ZFHX3: variants seen among roughly 807,000 people sequenced by gnomAD.
The protein encoded by ZFHX3 is zinc finger homeobox protein 3.
A neutral mutation model predicts 279.1 loss-of-function variants in ZFHX3; 42 were observed. That is an observed-to-expected ratio of 0.15 (90% CI 0.12 to 0.19). The LOEUF is 0.19. Among genes scored for constraint, ZFHX3 ranks in the 10% least tolerant of loss-of-function variants. The pLI, the probability that ZFHX3 is intolerant of heterozygous loss-of-function variation, is 1.00. For synonymous variants in ZFHX3, 2,293 were observed against 1,957.8 expected, an observed-to-expected ratio of 1.17 and a Z score of -4.52; for missense variants, 4,981 against 4,754.0, an observed-to-expected ratio of 1.05 and a Z score of -1.40.
intron 3 of ZFHX3, among the ~76,000 whole-genome samples, chr16:72,900,172 G>A (rs1486699657): frequency 6.6e-6 from 1 of 151,242 alleles, no homozygotes; most frequent in Non-Finnish European, 1.5e-5. Context: ...GTGTTTACTG[G>A]GTCTGTTTGC....
intron 4 of ZFHX3, among the ~76,000 whole-genome samples, chr16:73,303,314 C>T (rs2143138666): frequency 6.6e-6 from 1 of 152,270 alleles, no homozygotes; most frequent in East Asian, 1.9e-4. Flanking sequence ...AGGTATGAGC[C>T]ATTATGTTGG....
In ZFHX3 at chr16:73,288,186, G is replaced by A. The variant is rs567183074; in HGVS notation, c.-1194+30054C>T. Among the ~76,000 whole-genome samples the A allele has an allele frequency of 8.6e-5, 13 of 151,320 alleles. No individual in the cohort carries two copies. The East Asian group carries it at 1.4e-3, about 16-fold the overall frequency. On this transcript the variant is annotated intron_variant, in intron 4 of 17. Transcript: ENST00000641206. ...TCACCCCATGGAGGGAGGGAGGGAG[G>A]GAGAGAAGGGGGACTTTGGGGGCTG...
intron 5 of ZFHX3, among the ~76,000 whole-genome samples, chr16:73,231,210 T>C (rs1678772278): frequency 6.6e-6 from 1 of 152,158 alleles, no homozygotes; most frequent in Non-Finnish European, 1.5e-5. Flanking sequence ...GGGATATGAC[T>C]TCAGGAATCT....
chr16:73,806,704 T>C (rs1202445486), intron 1 of ZFHX3, among the ~76,000 whole-genome samples: 1 of 152,218 alleles, frequency 6.6e-6, no homozygotes, highest in Non-Finnish European at 1.5e-5. Flanking sequence ...TTGCTTGCCC[T>C]TTTTTAAAAT....
intron 1 of ZFHX3, among the ~76,000 whole-genome samples, chr16:73,045,848 G>A (rs1274598352): frequency 1.4e-5 from 2 of 147,240 alleles, no homozygotes; most frequent in African/African-American, 5.1e-5. Context: ...ATGTCATAAA[G>A]ACAGAAGGTC....
At chr16:73,201,086 T>G (rs976947523) in intron 5 of ZFHX3, among the ~76,000 whole-genome samples, 1 of 152,226 alleles carries the variant, frequency 6.6e-6, no homozygotes, top group South Asian at 2.1e-4. Context: ...GGCTCTAGGT[T>G]GATCCAAGCC....
intron 4 of ZFHX3, among the ~76,000 whole-genome samples, chr16:73,268,482 G>C (rs568213643): frequency 6.6e-6 from 1 of 152,164 alleles, no homozygotes; most frequent in Non-Finnish European, 1.5e-5. Flanking sequence ...AGCCACTGGC[G>C]CTGCGCCCGA....
intron 5 of ZFHX3, among the ~76,000 whole-genome samples, chr16:73,255,202 A>G (rs2013630315): frequency 6.6e-6 from 1 of 152,226 alleles, no homozygotes; most frequent in Admixed American, 6.5e-5. Flanking sequence ...TTTATGAGTC[A>G]TTGTAAAGTG....
intron 3 of ZFHX3, among the ~76,000 whole-genome samples, chr16:73,435,934 G>T (rs1198560980): frequency 6.6e-6 from 1 of 152,202 alleles, no homozygotes; most frequent in African/African-American, 2.4e-5. Context: ...TCACTGAATG[G>T]GTGGTGAGTT....
chr16:73,852,422 G>T (rs1961614576), intron 1 of ZFHX3, among the ~76,000 whole-genome samples: 1 of 152,032 alleles, frequency 6.6e-6, no homozygotes, highest in African/African-American at 2.4e-5. Flanking sequence ...CTTTCATTTT[G>T]TTTTATATTA....
chr16:73,327,193 C>T (rs1277493003), intron 3 of ZFHX3, among the ~76,000 whole-genome samples: 1 of 152,182 alleles, frequency 6.6e-6, no homozygotes, highest in African/African-American at 2.4e-5. Context: ...TTCTTGAGTT[C>T]TGTGTATGCT....
At chr16:73,458,623 C>A (rs1255544446) in intron 2 of ZFHX3, among the ~76,000 whole-genome samples, 3 of 152,072 alleles carry the variant, frequency 2.0e-5, no homozygotes, top group Non-Finnish European at 4.4e-5. Context: ...TTACACCTGA[C>A]TTTTGAACTG....
At chr16:73,165,737 T>G (rs955684978) in intron 5 of ZFHX3, among the ~76,000 whole-genome samples, 1 of 152,138 alleles carries the variant, frequency 6.6e-6, no homozygotes, top group Non-Finnish European at 1.5e-5. Flanking sequence ...CTTGGGCTAC[T>G]CTTACGAGCT....
At chr16:73,818,752 A>C (rs1309244292) in intron 1 of ZFHX3, among the ~76,000 whole-genome samples, 1 of 152,176 alleles carries the variant, frequency 6.6e-6, no homozygotes, top group East Asian at 1.9e-4. Flanking sequence ...CTCAAACTGC[A>C]CTTTGGATGT....
rs755058886 is a variant in ZFHX3 at position 72,958,957 on chromosome 16, G to T, written c.1189C>A (p.Pro397Thr). 6.3e-7 allele frequency: 1 copy of T among 1,598,682 alleles called. No homozygotes were observed. Among genetic ancestry groups the T allele is most frequent in the Non-Finnish European group, 8.5e-7 (1 of 1,172,630 alleles). ...PEQPQAGLLTPSTLLNLGGLT... is the reference protein window; with the variant it reads ...PEQPQAGLLTTSTLLNLGGLT... ...CCGCCAAGGTTCAACAGGGTGCTGG[G>T]GGTCAAGAGACCAGCCTGGGGCTGC... Residue 397 changes from proline (P) to threonine (T), a missense_variant, in exon 2 of 10, where the codon CCC (proline) becomes ACC (threonine). By Grantham distance (38) the Pro-to-Thr change is conservative. Transcript: ENST00000268489.
chr16:72,950,352 C>T, intron 3 of ZFHX3, 117 bp downstream of exon 3: 1 of 1,481,338 alleles, frequency 6.8e-7, no homozygotes, highest in Non-Finnish European at 9.0e-7. Context: ...TCCCAACCAA[C>T]AGCCAAGCAG....
chr16:73,439,940 A>C (rs2018060822), intron 3 of ZFHX3, among the ~76,000 whole-genome samples: 1 of 151,508 alleles, frequency 6.6e-6, no homozygotes. Flanking sequence ...AAACACAAAA[A>C]AAAAAACAAG....
intron 3 of ZFHX3, among the ~76,000 whole-genome samples, chr16:72,924,328 C>G (rs199703600): frequency 6.6e-6 from 1 of 152,156 alleles, no homozygotes; most frequent in African/African-American, 2.4e-5. Context: ...AGGAATAGTT[C>G]AAGAAAACAG....
chr16:73,852,060 T>C (rs761780468), intron 1 of ZFHX3, among the ~76,000 whole-genome samples: 1 of 152,206 alleles, frequency 6.6e-6, no homozygotes, highest in Non-Finnish European at 1.5e-5. Context: ...GTAAAAATTG[T>C]TCATAATTAT....
Sources: allele counts gnomAD v4.1 joint callset (sites outside exome capture counted in the v4.1 genomes callset), GRCh38; gene constraint gnomAD v4.1.1; transcripts MANE v1.5; gene names NCBI Gene and HGNC (gene_info 2026-07-23, HGNC 2026-07-21).